Variants in JMY observed in about 807,000 individuals in gnomAD.
JMY encodes the protein junction-mediating and -regulatory protein.
Under a neutral mutation model 103.3 loss-of-function variants are expected in JMY, and 46 were observed. That is an observed-to-expected ratio of 0.45 (90% confidence interval 0.35 to 0.57). The LOEUF (loss-of-function observed/expected upper bound fraction) is 0.57. JMY is among the 20% of genes least tolerant of loss of function. The probability of loss-of-function intolerance (pLI) is 0.00; values close to 1 mark genes in which losing one functional copy is unlikely to be tolerated. For missense variants in JMY, 1,238 were observed against 1,255.2 expected, an observed-to-expected ratio of 0.99 and a Z score of 0.21; for synonymous variants, 526 against 489.3, an observed-to-expected ratio of 1.07 and a Z score of -0.99.
chr5:79,273,976 G>A (rs1745860660), intron 1 of JMY, among the ~76,000 whole-genome samples: 1 of 151,938 alleles, frequency 6.6e-6, no homozygotes, highest in South Asian at 2.1e-4. Context: ...GACTACAGGT[G>A]CCCGCCACCA....
chr5:79,278,349 A>G (rs1746006867), intron 2 of JMY, among the ~76,000 whole-genome samples: 1 of 152,034 alleles, frequency 6.6e-6, no homozygotes, highest in Non-Finnish European at 1.5e-5. Context: ...AGTTGTAAAT[A>G]CATTGGGAGG....
chr5:79,267,745 A>G (rs80119137), intron 1 of JMY, among the ~76,000 whole-genome samples: 264 of 152,286 alleles, frequency 1.7e-3, no homozygotes, highest in African/African-American at 5.4e-3. Context: ...CGAACATTTC[A>G]TTGTATGGAT....
chr5:79,305,403 A>G (rs979738490), intron 6 of JMY, among the ~76,000 whole-genome samples: 8 of 152,064 alleles, frequency 5.3e-5, no homozygotes, highest in Non-Finnish European at 1.0e-4. Flanking sequence ...AGTAAGCCAG[A>G]GATCATGCCA....
intron 10 of JMY, among the ~76,000 whole-genome samples, chr5:79,320,149 G>A (rs192493443): frequency 6.6e-6 from 1 of 152,202 alleles, no homozygotes; most frequent in African/African-American, 2.4e-5. Context: ...AGGAGGCTGG[G>A]GGTGGGTGGA....
chr5:79,289,568 A>G (rs1229636149), intron 2 of JMY, among the ~76,000 whole-genome samples: 2 of 151,980 alleles, frequency 1.3e-5, no homozygotes, highest in Admixed American at 6.6e-5. Flanking sequence ...ACTTCTTTAA[A>G]TTTTGTTTTA....
chr5:79,265,780 CTT>C lies in JMY; in HGVS notation c.1033-12111_1033-12110del, dbSNP rs34354467. 5.5e-3 allele frequency among the ~76,000 whole-genome samples: 641 copies of C among 116,152 alleles called. 2 individuals are homozygous for C. The highest frequency in any genetic ancestry group is 0.018 in the African/African-American group (566 of 30,872). The allele number at this position is 116,152 out of a possible 152,430, so 76.2% of individuals were successfully genotyped here. A position where few individuals can be genotyped will look rare whatever the true frequency, so the allele number is the denominator to read the frequency against. ...CCCAGATTGCTCATCTGTGATGATTCTTTTTTTTTTTTTTTTTTTTGAGGCAG... is the reference window on the plus strand; with the variant it reads ...CCCAGATTGCTCATCTGTGATGATTCTTTTTTTTTTTTTTTTTTGAGGCAG... On this transcript the variant is annotated intron_variant, in intron 1 of 10. Transcript: ENST00000396137.
At position 79,236,925 on chromosome 5, in the gene JMY, C is replaced by T. The variant is rs960144929; in HGVS notation, c.275C>T (p.Ala92Val). 2 of 1,395,658 alleles carry T rather than the reference C, an allele frequency of 1.4e-6. No individual in the cohort carries two copies. The allele number at this position is 1,395,658 out of a possible 1,614,324, so 86.5% of individuals were successfully genotyped here. A position where few individuals can be genotyped will look rare whatever the true frequency, so the allele number is the denominator to read the frequency against. ...GSPAGRGRPEATASATLVRSP... is the reference protein window; with the variant it reads ...GSPAGRGRPEVTASATLVRSP... The stretch of plus-strand genomic sequence containing the variant: ...CCGGCGGGCAGGGGTCGGCCCGAGG[C>T]CACTGCCTCTGCAACTCTGGTTAGG... The change falls in exon 1 of 11, where the codon GCC becomes GTC. Residue 92 changes from alanine (A) to valine (V), a missense_variant. Physicochemically the swap from Ala to Val is moderately conservative, Grantham distance 64 (BLOSUM62 0). Coordinates refer to ENST00000396137, the MANE Select transcript of JMY (RefSeq NM_152405.5).
intron 4 of JMY, among the ~76,000 whole-genome samples, chr5:79,297,661 A>G (rs1301543397): frequency 1.3e-5 from 2 of 152,192 alleles, no homozygotes; most frequent in Non-Finnish European, 2.9e-5. Context: ...AAAGTCCTGT[A>G]TGTTCTGGTT....
At chr5:79,287,235 A>C (rs1029666982) in intron 2 of JMY, among the ~76,000 whole-genome samples, 2 of 152,210 alleles carry the variant, frequency 1.3e-5, no homozygotes, top group Admixed American at 1.3e-4. Flanking sequence ...CCACCAGTTG[A>C]AGTCAAGGGA....
At chr5:79,310,569 A>G (rs949022937) in intron 7 of JMY, among the ~76,000 whole-genome samples, 1 of 152,212 alleles carries the variant, frequency 6.6e-6, no homozygotes, top group African/African-American at 2.4e-5. Flanking sequence ...CACCAGTGTC[A>G]GAACCTCTTA....
chr5:79,262,443 A>C (rs1248070344), intron 1 of JMY, among the ~76,000 whole-genome samples: 1 of 152,236 alleles, frequency 6.6e-6, no homozygotes, highest in Non-Finnish European at 1.5e-5. Context: ...ATTAAGTTTT[A>C]TAATTATATC....
Position 79,236,969 on chromosome 5 carries a change from A to G in JMY, c.319A>G (p.Ser107Gly), listed in dbSNP as rs1484339434. ...TLVRSPGPRRSSAWAEGGSPR... is the reference protein window; with the variant it reads ...TLVRSPGPRRGSAWAEGGSPR... Reference sequence around the variant, plus strand: ...GGTTAGGAGCCCCGGGCCCCGGCGGAGCTCGGCCTGGGCGGAGGGCGGCTC... The same window carrying G: ...GGTTAGGAGCCCCGGGCCCCGGCGGGGCTCGGCCTGGGCGGAGGGCGGCTC... Residue 107 changes from serine (S) to glycine (G), a missense_variant, in exon 1 of 11, where the codon AGC (serine) becomes GGC (glycine). By Grantham distance (56) the Ser-to-Gly change is moderately conservative. Transcript: ENST00000396137. 5.5e-6 allele frequency: 8 copies of G among 1,452,580 alleles called. No individual in the cohort carries two copies. Among genetic ancestry groups the G allele is most frequent in the Admixed American group, 2.8e-5 (1 of 36,154 alleles). 90.0% of individuals were successfully genotyped at this position (1,452,580 alleles called of 1,614,324 possible).
In JMY at chr5:79,314,470, G is replaced by A; in HGVS notation, c.2278G>A (p.Asp760Asn). Residue 760 changes from aspartate to asparagine, a missense_variant, in exon 9 of 11, where the codon GAT (aspartate) becomes AAT (asparagine). Asp to Asn is a conservative substitution (Grantham distance 23, BLOSUM62 1). Coordinates refer to ENST00000396137, the MANE Select transcript of JMY (RefSeq NM_152405.5). The stretch of plus-strand genomic sequence containing the variant: ...ACCCCAGAGCCTTGTGCAACTTGAA[G>A]ATACTTCATTAACACAACTTGAAGC... ...TEPQSLVQLE[D>N]TSLTQLEATS... The A allele has an allele frequency of 6.2e-7, 1 of 1,614,130 alleles. No homozygotes were observed. Among genetic ancestry groups the A allele is most frequent in the South Asian group, 1.1e-5 (1 of 91,064 alleles).
At chr5:79,284,890 G>T (rs1273416585) in intron 2 of JMY, 25 of 1,560,156 alleles carry the variant, frequency 1.6e-5, no homozygotes, top group Non-Finnish European at 1.9e-5. Context: ...GCTGCCTTTC[G>T]TAAGGTGCTT....
intron 10 of JMY, among the ~76,000 whole-genome samples, chr5:79,318,998 AG>A (rs1296100017): frequency 2.0e-5 from 3 of 152,188 alleles, no homozygotes; most frequent in African/African-American, 7.2e-5. Context: ...CTAATTCCAC[AG>A]CTGGACCTTC....
intron 9 of JMY, 129 bp from the exon 10 acceptor site, chr5:79,315,871 C>T: frequency 2.6e-6 from 2 of 773,508 alleles, no homozygotes; most frequent in South Asian, 3.5e-5. Flanking sequence ...GCACACATTT[C>T]ATGATCCATT....
At chr5:79,273,881 A>T (rs1041971115) in intron 1 of JMY, among the ~76,000 whole-genome samples, 3 of 151,532 alleles carry the variant, frequency 2.0e-5, no homozygotes, top group Admixed American at 2.0e-4. Flanking sequence ...CCCATCCTGG[A>T]GTGCAATGGC....
Position 79,323,399 on chromosome 5 carries a change from A to G in JMY, c.*1797A>G, listed in dbSNP as rs1747526183. 1 of 152,236 alleles carries G rather than the reference A, an allele frequency of 6.6e-6. No homozygotes were observed. Among genetic ancestry groups the G allele is most frequent in the Non-Finnish European group, 1.5e-5 (1 of 68,040 alleles). 9.4% of individuals were successfully genotyped at this position (152,236 alleles called of 1,614,324 possible). A position where few individuals can be genotyped will look rare whatever the true frequency, so the allele number is the denominator to read the frequency against. On this transcript the variant is annotated 3_prime_UTR_variant, in exon 11 of 11. Coordinates refer to ENST00000396137, the MANE Select transcript of JMY (RefSeq NM_152405.5). ...GGAAGATTAGAAATACAGATGTAAT[A>G]TGGAAGCTTCAACAGCATGGGGGTG...
At chr5:79,303,258 CAG>C (rs1007798721) in intron 6 of JMY, among the ~76,000 whole-genome samples, 23 of 152,124 alleles carry the variant, frequency 1.5e-4, no homozygotes, top group Admixed American at 3.9e-4. Context: ...TTTATAGAGA[CAG>C]GGGCTCACTA....
Sources: allele counts gnomAD v4.1 joint callset (sites outside exome capture counted in the v4.1 genomes callset), GRCh38; gene constraint gnomAD v4.1.1; transcripts MANE v1.5; gene names NCBI Gene and HGNC (gene_info 2026-07-23, HGNC 2026-07-21).